Variants in PSIP1 observed in about 807,000 individuals in gnomAD.
PSIP1 encodes the protein PC4 and SFRS1-interacting protein.
Under a neutral mutation model 74.7 loss-of-function variants are expected in PSIP1, and 19 were observed. The observed-to-expected ratio is 0.25, with a 90% CI of 0.18 to 0.37. PSIP1 has a LOEUF of 0.37. PSIP1 is among the 10% of genes least tolerant of loss of function. The pLI, the probability that PSIP1 is intolerant of heterozygous loss-of-function variation, is 1.00. For synonymous variants in PSIP1, 222 were observed against 195.3 expected, an observed-to-expected ratio of 1.14 and a Z score of -1.14; for missense variants, 601 against 614.3, an observed-to-expected ratio of 0.98 and a Z score of 0.23.
At chr9:15,482,906 A>G (rs1428156143) in intron 6 of PSIP1, among the ~76,000 whole-genome samples, 1 of 152,174 alleles carries the variant, frequency 6.6e-6, no homozygotes, top group Non-Finnish European at 1.5e-5. Context: ...AGAGCAGCCT[A>G]TGTGGCAAGT....
rs182302705 is a variant in PSIP1, at chr9:15,481,500, A to T, written c.457-1813T>A. On this transcript the variant is annotated intron_variant, in intron 6 of 15. Transcript: ENST00000380733. ...ATCACGAGGTCAGGAGTTCGAGACC[A>T]GCCTGGCCAACATGGTGAAACCCCA... Among the ~76,000 whole-genome samples the T allele has an allele frequency of 5.3e-4, 81 of 152,340 alleles. No individual in the cohort carries two copies. The East Asian group carries it at 0.011, about 21-fold the overall frequency.
At position 15,464,856 on chromosome 9, in the gene PSIP1, A is replaced by G. The variant is rs916924382; in HGVS notation, c.*664T>C. 2.9e-5 allele frequency: 6 copies of G among 209,760 alleles called. No homozygotes were observed. The Admixed American group carries it at 2.9e-4, about 10-fold the overall frequency. 13.0% of individuals were successfully genotyped at this position (209,760 alleles called of 1,614,324 possible). A position where few individuals can be genotyped will look rare whatever the true frequency, so the allele number is the denominator to read the frequency against. Reference sequence around the variant, plus strand: ...GAATGCCCAGCCACAAAACTAAATTACCTTCAAAAATTAATGTTTTATAGT... The same window carrying G: ...GAATGCCCAGCCACAAAACTAAATTGCCTTCAAAAATTAATGTTTTATAGT... On this transcript the variant is annotated 3_prime_UTR_variant, in exon 16 of 16. Transcript: ENST00000380733.
intron 3 of PSIP1, chr9:15,505,618 G>A (rs1461952692): frequency 1.3e-5 from 2 of 152,160 alleles, no homozygotes; most frequent in Non-Finnish European, 1.5e-5. Flanking sequence ...CGGTTGGAGA[G>A]GGGAAAGTGA....
intron 15 of PSIP1, 70 bp from the exon 16 acceptor site, chr9:15,465,650 GTC>G: frequency 7.8e-7 from 1 of 1,282,874 alleles, no homozygotes; most frequent in South Asian, 1.3e-5. Context: ...AAGACATTAA[GTC>G]TGCATTATAT....
chr9:15,477,009 C>T (rs530995748), intron 8 of PSIP1, among the ~76,000 whole-genome samples: 3 of 152,182 alleles, frequency 2.0e-5, no homozygotes, highest in South Asian at 4.1e-4. Flanking sequence ...AGAAGACAAA[C>T]GGAGTGGGAA....
chr9:15,508,066 A>G (rs1222934008), intron 2 of PSIP1, among the ~76,000 whole-genome samples: 1 of 152,214 alleles, frequency 6.6e-6, no homozygotes, highest in African/African-American at 2.4e-5. Flanking sequence ...CCTAGCACCT[A>G]TAGCCTTTAG....
rs1167478882 is a variant in PSIP1 at position 15,510,304 on chromosome 9, T to C, written c.-116A>G. ...TACCGGGCCCGCGGGCGGGGGAGGA[T>C]GCCTCGGGGCGTCCCGACGCGCCTG... On this transcript the variant is annotated 5_prime_UTR_variant, in exon 2 of 16. Coordinates refer to ENST00000380733, the MANE Select transcript of PSIP1 (RefSeq NM_033222.5). 4.5e-6 allele frequency: 3 copies of C among 672,152 alleles called. No homozygotes were observed. The highest frequency in any genetic ancestry group is 6.7e-6 in the Non-Finnish European group (3 of 448,374). The allele number at this position is 672,152 out of a possible 1,614,324, so 41.6% of individuals were successfully genotyped here. A position where few individuals can be genotyped will look rare whatever the true frequency, so the allele number is the denominator to read the frequency against.
intron 3 of PSIP1, among the ~76,000 whole-genome samples, chr9:15,498,850 G>A (rs893961429): frequency 1.3e-5 from 2 of 151,912 alleles, no homozygotes; most frequent in African/African-American, 2.4e-5. Context: ...CAAAAGCAGG[G>A]CATAACTATA....
intron 4 of PSIP1, among the ~76,000 whole-genome samples, chr9:15,488,883 T>G (rs975020298): frequency 6.6e-6 from 1 of 151,588 alleles, no homozygotes; most frequent in East Asian, 2.0e-4. Flanking sequence ...TAGCCGGGTG[T>G]GGTGGCGGGC....
rs2132036495 is a variant in PSIP1 at position 15,468,341 on chromosome 9, T to G, written c.1420+289A>C. 3 of 614,154 alleles carry G rather than the reference T, an allele frequency of 4.9e-6. No individual in the cohort carries two copies. The East Asian group carries it at 1.1e-4, about 23-fold the overall frequency. 38.0% of individuals were successfully genotyped at this position (614,154 alleles called of 1,614,324 possible). The stretch of plus-strand genomic sequence containing the variant: ...ACCAGGAAGTGGGTACTCTAGGGAT[T>G]AGGAGGCATTGTGATGGATGGGTTT... On this transcript the variant is annotated intron_variant, in intron 14 of 15. Coordinates refer to ENST00000380733, the MANE Select transcript of PSIP1 (RefSeq NM_033222.5).
intron 3 of PSIP1, among the ~76,000 whole-genome samples, chr9:15,491,174 T>C (rs576056741): frequency 2.1e-4 from 32 of 152,364 alleles, no homozygotes; most frequent in African/African-American, 7.2e-4. Context: ...GTATGTAACA[T>C]GCGCTTTCTC....
At chr9:15,502,632 G>A (rs1297331827) in intron 3 of PSIP1, among the ~76,000 whole-genome samples, 1 of 152,148 alleles carries the variant, frequency 6.6e-6, no homozygotes, top group Non-Finnish European at 1.5e-5. Flanking sequence ...AGATGACCAA[G>A]AGCGGACAGA....
chr9:15,476,055 G>T (rs2036061581), intron 8 of PSIP1, among the ~76,000 whole-genome samples: 1 of 152,116 alleles, frequency 6.6e-6, no homozygotes, highest in African/African-American at 2.4e-5. Context: ...GAGATACATG[G>T]TGTTCTAACG....
intron 6 of PSIP1, among the ~76,000 whole-genome samples, chr9:15,484,814 G>A (rs528237296): frequency 3.3e-5 from 5 of 151,526 alleles, no homozygotes; most frequent in East Asian, 1.9e-4. Flanking sequence ...TTGGGAGGCC[G>A]AGGCAAGAGA....
chr9:15,492,502 TGGTGTTGAA>T (rs1464174468), intron 3 of PSIP1, among the ~76,000 whole-genome samples: 1 of 152,164 alleles, frequency 6.6e-6, no homozygotes, highest in Non-Finnish European at 1.5e-5. Flanking sequence ...CGCCTCAGGC[TGGTGTTGAA>T]TGTCTGCAGC....
Position 15,486,074 on chromosome 9 carries a change from A to G in PSIP1, c.394-6T>C. The G allele has an allele frequency of 6.3e-7, 1 of 1,581,642 alleles. No individual in the cohort carries two copies. On this transcript the variant is annotated splice_polypyrimidine_tract_variant and splice_region_variant and intron_variant, in intron 5 of 15. Coordinates refer to ENST00000380733, the MANE Select transcript of PSIP1 (RefSeq NM_033222.5). ...TCAACTGCTTTAGTCACATCCTAAAAAAGAAAAAAGAAAACTGAATACTGA... is the reference window on the plus strand; with the variant it reads ...TCAACTGCTTTAGTCACATCCTAAAGAAGAAAAAAGAAAACTGAATACTGA...
In PSIP1 at chr9:15,465,358, C is replaced by T. The variant is rs565078481; in HGVS notation, c.*162G>A. ...GTTAATACTGCACAAGTACACTTAG[C>T]GATAATGTTTACTTTACTTTAAAAC... On this transcript the variant is annotated 3_prime_UTR_variant, in exon 16 of 16. Transcript: ENST00000380733. The T allele has an allele frequency of 1.8e-5, 11 of 608,612 alleles. No homozygotes were observed. Among genetic ancestry groups the T allele is most frequent in the Middle Eastern group, 4.1e-4 (1 of 2,430 alleles). 37.7% of individuals were successfully genotyped at this position (608,612 alleles called of 1,614,324 possible). A position where few individuals can be genotyped will look rare whatever the true frequency, so the allele number is the denominator to read the frequency against.
At chr9:15,502,470 CTT>C (rs1295113120) in intron 3 of PSIP1, among the ~76,000 whole-genome samples, 2 of 152,178 alleles carry the variant, frequency 1.3e-5, no homozygotes, top group African/African-American at 4.8e-5. Context: ...AAGACAGGGT[CTT>C]ACTATGTTAC....
chr9:15,468,445 T>C (rs1301065520), intron 14 of PSIP1, 185 bp downstream of exon 14: 2 of 779,110 alleles, frequency 2.6e-6, no homozygotes, highest in Middle Eastern at 2.3e-4. Flanking sequence ...ACTGACATGA[T>C]TTTTTGTTCT....
Sources: gnomAD v4.1 joint callset for allele counts (sites outside exome capture counted in the v4.1 genomes callset) on GRCh38, gnomAD v4.1.1 for gene constraint, MANE v1.5 for transcripts, NCBI Gene and HGNC (gene_info 2026-07-23, HGNC 2026-07-21) for gene names.